The following BRINP3 variants were observed in gnomAD, a reference collection of about 807,000 sequenced individuals.
The protein encoded by BRINP3 is BMP/retinoic acid-inducible neural-specific protein 3.
In BRINP3, 19 loss-of-function variants were observed where a neutral mutation model predicts 71.0. The observed-to-expected ratio is 0.27, with a 90% confidence interval of 0.19 to 0.39. The LOEUF (loss-of-function observed/expected upper bound fraction) is 0.39, where lower values mean the gene tolerates loss of function less well. BRINP3 is among the 10% of genes least tolerant of loss of function. BRINP3 has a pLI of 1.00. For missense variants in BRINP3, 959 were observed against 940.8 expected, an observed-to-expected ratio of 1.02 and a Z score of -0.25; for synonymous variants, 380 against 337.7, an observed-to-expected ratio of 1.13 and a Z score of -1.37.
intron 7 of BRINP3, among the ~76,000 whole-genome samples, chr1:190,126,049 T>C (rs1208203625): frequency 2.6e-5 from 4 of 151,956 alleles, no homozygotes; most frequent in Non-Finnish European, 5.9e-5. Flanking sequence ...ATTTGAGTCT[T>C]TTACTTCAGA....
At chr1:190,257,506 C>A (rs1307883974) in intron 4 of BRINP3, among the ~76,000 whole-genome samples, 2 of 152,068 alleles carry the variant, frequency 1.3e-5, no homozygotes, top group Non-Finnish European at 2.9e-5. Context: ...CTCCATCTAG[C>A]TTTGTTCTGT....
At chr1:190,236,204 G>A (rs952320036) in intron 4 of BRINP3, among the ~76,000 whole-genome samples, 2 of 151,982 alleles carry the variant, frequency 1.3e-5, no homozygotes, top group Non-Finnish European at 2.9e-5. Context: ...AACACTGCAA[G>A]TGTTTATTGA....
At chr1:190,408,504 T>C (rs571048253) in intron 2 of BRINP3, among the ~76,000 whole-genome samples, 18 of 152,332 alleles carry the variant, frequency 1.2e-4, no homozygotes, top group African/African-American at 3.6e-4. Context: ...AATTGAACTA[T>C]ACTCTTTGTA....
At chr1:190,333,050 AT>A (rs1667067261) in intron 2 of BRINP3, among the ~76,000 whole-genome samples, 1 of 152,002 alleles carries the variant, frequency 6.6e-6, no homozygotes, top group South Asian at 2.1e-4. Flanking sequence ...TTTTAAATAT[AT>A]TTGTTGATAA....
At chr1:190,138,056 G>A (rs955620357) in intron 7 of BRINP3, among the ~76,000 whole-genome samples, 2 of 152,034 alleles carry the variant, frequency 1.3e-5, no homozygotes, top group African/African-American at 4.8e-5. Flanking sequence ...CCAGGTTCAA[G>A]CGATTCTCCT....
chr1:190,343,173 C>T (rs114773688), intron 2 of BRINP3, among the ~76,000 whole-genome samples: 2,765 of 151,728 alleles, frequency 0.018, 34 homozygotes, highest in South Asian at 0.048. Context: ...GGAAGAACCA[C>T]CCAGGGTTAG....
At chr1:190,226,339 A>T in intron 5 of BRINP3, 21 bp from the exon 6 acceptor site, 1 of 1,426,420 alleles carries the variant, frequency 7.0e-7, no homozygotes, top group Non-Finnish European at 9.5e-7. Context: ...AAACAAAGAA[A>T]TTAACAAATT....
rs537611223 is a variant in BRINP3 at position 190,428,430 on chromosome 1, C to T, written c.236+26225G>A. On this transcript the variant is annotated intron_variant, in intron 2 of 7. Coordinates refer to ENST00000367462, the MANE Select transcript of BRINP3 (RefSeq NM_199051.3). ...TTTATTATCAATACCTCATAATCCC[C>T]CCCCAAAAAAACTCGTATTTTTTTC... Among the ~76,000 whole-genome samples, 17 of 151,742 alleles carry T rather than the reference C, an allele frequency of 1.1e-4. No homozygotes were observed. The South Asian group carries it at 3.5e-3, about 32-fold the overall frequency.
At chr1:190,385,674 G>A (rs944444371) in intron 2 of BRINP3, among the ~76,000 whole-genome samples, 4 of 151,948 alleles carry the variant, frequency 2.6e-5, no homozygotes, top group Non-Finnish European at 4.4e-5. Flanking sequence ...TCAGTGTGGC[G>A]ATTCCTCAGG....
At chr1:190,425,900 A>G (rs1294822063) in intron 2 of BRINP3, among the ~76,000 whole-genome samples, 2 of 151,860 alleles carry the variant, frequency 1.3e-5, no homozygotes, top group African/African-American at 4.8e-5. Context: ...CAGGAAGCCA[A>G]TAAATCTGAC....
intron 1 of BRINP3, among the ~76,000 whole-genome samples, chr1:190,455,237 A>C (rs955711530): frequency 6.6e-6 from 1 of 152,166 alleles, no homozygotes; most frequent in African/African-American, 2.4e-5. Flanking sequence ...TGAATGTTTT[A>C]TAAAGTTGGA....
chr1:190,183,663 G>C (rs886506754), intron 6 of BRINP3, among the ~76,000 whole-genome samples: 29 of 152,040 alleles, frequency 1.9e-4, no homozygotes, highest in African/African-American at 6.5e-4. Flanking sequence ...GCTGGGGTTT[G>C]AGCTTGTGAG....
intron 2 of BRINP3, among the ~76,000 whole-genome samples, chr1:190,289,766 T>C (rs1288407501): frequency 6.6e-6 from 1 of 151,960 alleles, no homozygotes; most frequent in African/African-American, 2.4e-5. Context: ...TCAAAGACAC[T>C]AACAATATGT....
At chr1:190,431,052 G>A (rs182908094) in intron 2 of BRINP3, among the ~76,000 whole-genome samples, 16 of 152,096 alleles carry the variant, frequency 1.1e-4, no homozygotes, top group African/African-American at 3.9e-4. Context: ...TCAGGAAATA[G>A]GTAATTTATG....
Position 190,377,691 on chromosome 1 carries a change from A to G in BRINP3, c.236+76964T>C, listed in dbSNP as rs375815901. ...AGAGCTAATAAATTCAACCAAGTGAAGGACTCAAAATCAACCCTCACAACA... is the reference window on the plus strand; with the variant it reads ...AGAGCTAATAAATTCAACCAAGTGAGGGACTCAAAATCAACCCTCACAACA... On this transcript the variant is annotated intron_variant, in intron 2 of 7. Coordinates refer to ENST00000367462, the MANE Select transcript of BRINP3 (RefSeq NM_199051.3). 6.6e-5 allele frequency among the ~76,000 whole-genome samples: 10 copies of G among 151,254 alleles called. No individual in the cohort carries two copies. The East Asian group carries it at 7.7e-4, about 12-fold the overall frequency.
intron 6 of BRINP3, among the ~76,000 whole-genome samples, chr1:190,165,320 G>A (rs1213603903): frequency 3.3e-5 from 5 of 149,784 alleles, no homozygotes; most frequent in African/African-American, 1.2e-4. Context: ...ACAAATTCTA[G>A]TAACACAATT....
In BRINP3 at chr1:190,098,378, T is replaced by A. The variant is rs1345240190; in HGVS notation, c.1941A>T (p.Glu647Asp). Residue 647 changes from glutamate to aspartate, a missense_variant, in exon 8 of 8, where the codon GAA (glutamate) becomes GAT (aspartate). Glu to Asp is a conservative substitution (Grantham distance 45). Coordinates refer to ENST00000367462, the MANE Select transcript of BRINP3 (RefSeq NM_199051.3). ...GGGAAGGGTCAATAAACTCCAGAGG[T>A]TCATAGTAAATGCTCTCATTACCAT... ...GPNGNESIYY[E>D]PLEFIDPSRN... 4 of 1,613,978 alleles carry A rather than the reference T, an allele frequency of 2.5e-6. No homozygotes were observed. The highest frequency in any genetic ancestry group is 3.4e-6 in the Non-Finnish European group (4 of 1,180,022).
rs533801821 is a variant in BRINP3, at chr1:190,306,227, C to CA, written c.237-24478dup. On this transcript the variant is annotated intron_variant, in intron 2 of 7. Transcript: ENST00000367462. ...AAACATTTCATAAATTAGTGCTGTCCAAAAAAAAAAATTGTGAACCAAAAA... is the reference window on the plus strand; with the variant it reads ...AAACATTTCATAAATTAGTGCTGTCCAAAAAAAAAAAATTGTGAACCAAAAA... Among the ~76,000 whole-genome samples the CA allele has an allele frequency of 4.7e-4, 67 of 142,518 alleles. No individual in the cohort carries two copies. In the East Asian group the frequency reaches 6.5e-3, roughly 14 times the overall value. The allele number at this position is 142,518 out of a possible 152,430, so 93.5% of individuals were successfully genotyped here. A position where few individuals can be genotyped will look rare whatever the true frequency, so the allele number is the denominator to read the frequency against.
At chr1:190,220,545 T>C (rs1397369395) in intron 6 of BRINP3, among the ~76,000 whole-genome samples, 1 of 152,064 alleles carries the variant, frequency 6.6e-6, no homozygotes, top group Non-Finnish European at 1.5e-5. Flanking sequence ...TATAATTTTT[T>C]TTAAAAAAGA....
Sources: allele counts gnomAD v4.1 joint callset (sites outside exome capture counted in the v4.1 genomes callset), GRCh38; gene constraint gnomAD v4.1.1; transcripts MANE v1.5; gene names NCBI Gene and HGNC (gene_info 2026-07-23, HGNC 2026-07-21).